RAB3C: variants seen among roughly 807,000 people sequenced by gnomAD.
The protein encoded by RAB3C is RAB3C, member RAS oncogene family.
In RAB3C, 17 loss-of-function variants were observed where a neutral mutation model predicts 26.4. The ratio of observed to expected loss-of-function variants is 0.64; its 90% confidence interval spans 0.44 to 0.97. The LOEUF is 0.97. Ranked by LOEUF, RAB3C falls within the 50% of genes least tolerant of loss-of-function variation. RAB3C has a pLI of 0.00. For synonymous variants in RAB3C, 91 were observed against 95.9 expected (o/e 0.95, Z 0.30); for missense variants, 242 against 281.9 (o/e 0.86, Z 1.01).
At chr5:58,625,915 G>A (rs1747042684) in intron 2 of RAB3C, among the ~76,000 whole-genome samples, 1 of 151,736 alleles carries the variant, frequency 6.6e-6, no homozygotes, top group Non-Finnish European at 1.5e-5. Flanking sequence ...GCAGTTCTGT[G>A]TAACTGAAAT....
intron 1 of RAB3C, among the ~76,000 whole-genome samples, chr5:58,608,439 G>T (rs1242721584): frequency 6.6e-6 from 1 of 152,200 alleles, no homozygotes. Context: ...ATGAAAAAAT[G>T]CTCATCATCA....
At chr5:58,678,506 GA>G (rs924613759) in intron 2 of RAB3C, among the ~76,000 whole-genome samples, 3 of 151,986 alleles carry the variant, frequency 2.0e-5, no homozygotes, top group African/African-American at 7.3e-5. Flanking sequence ...AAAGTCATTA[GA>G]AAAAAATATA....
chr5:58,845,040 G>C (rs1440415290), intron 4 of RAB3C, among the ~76,000 whole-genome samples: 1 of 152,180 alleles, frequency 6.6e-6, no homozygotes, highest in Non-Finnish European at 1.5e-5. Flanking sequence ...GGTTAAGTGT[G>C]CAATACTGTG....
At chr5:58,614,346 T>C (rs1746778663) in intron 1 of RAB3C, among the ~76,000 whole-genome samples, 1 of 152,088 alleles carries the variant, frequency 6.6e-6, no homozygotes, top group Non-Finnish European at 1.5e-5. Context: ...ATTAGGGCTG[T>C]TTCTTTCTTC....
intron 2 of RAB3C, among the ~76,000 whole-genome samples, chr5:58,665,046 C>T (rs899115330): frequency 1.3e-5 from 2 of 152,142 alleles, no homozygotes; most frequent in African/African-American, 4.8e-5. Flanking sequence ...AACGTCACCT[C>T]CTTAATCTCA....
intron 3 of RAB3C, among the ~76,000 whole-genome samples, chr5:58,727,170 C>CAT (rs1344756636): frequency 1.3e-5 from 2 of 151,848 alleles, no homozygotes; most frequent in Admixed American, 1.3e-4. Flanking sequence ...ATGATTTTTA[C>CAT]ATATATATCA....
intron 3 of RAB3C, among the ~76,000 whole-genome samples, chr5:58,798,255 G>C (rs1031578685): frequency 6.6e-6 from 1 of 152,070 alleles, no homozygotes; most frequent in Non-Finnish European, 1.5e-5. Context: ...TAGACTATAA[G>C]AGGTACAGTC....
chr5:58,805,457 C>T (rs530450887), intron 3 of RAB3C, among the ~76,000 whole-genome samples: 49 of 151,200 alleles, frequency 3.2e-4, no homozygotes, highest in South Asian at 8.4e-4. Flanking sequence ...TGGTAGTGCG[C>T]GCCTATAATC....
At position 58,851,359 on chromosome 5, in the gene RAB3C, G is replaced by A. The variant is rs772429789; in HGVS notation, c.*8G>A. The A allele has an allele frequency of 1.0e-5, 16 of 1,580,440 alleles. No individual in the cohort carries two copies. Among genetic ancestry groups the A allele is most frequent in the African/African-American group, 1.4e-5 (1 of 73,486 alleles). ...CCCAACTGTGCCTGCTAGTGTCCCC[G>A]TGCACACAGGCAGCTCCAGGGGGCT... On this transcript the variant is annotated 3_prime_UTR_variant, in exon 5 of 5. Transcript: ENST00000282878.
intron 1 of RAB3C, among the ~76,000 whole-genome samples, chr5:58,591,826 T>C (rs1035337542): frequency 6.6e-6 from 1 of 150,888 alleles, no homozygotes; most frequent in Non-Finnish European, 1.5e-5. Context: ...GTTTCGTTTT[T>C]ATATTCTTTT....
intron 2 of RAB3C, among the ~76,000 whole-genome samples, chr5:58,690,609 G>C (rs1259172315): frequency 6.6e-6 from 1 of 152,088 alleles, no homozygotes; most frequent in East Asian, 1.9e-4. Flanking sequence ...CTGTCTCTCT[G>C]TATCTTTTCA....
At chr5:58,708,508 G>C (rs547863394) in intron 2 of RAB3C, among the ~76,000 whole-genome samples, 2 of 152,302 alleles carry the variant, frequency 1.3e-5, no homozygotes, top group Admixed American at 6.5e-5. Flanking sequence ...GTGGCACCCA[G>C]CTGGAGAAGT....
At chr5:58,627,606 T>C (rs1390073380) in intron 2 of RAB3C, among the ~76,000 whole-genome samples, 1 of 152,036 alleles carries the variant, frequency 6.6e-6, no homozygotes, top group Non-Finnish European at 1.5e-5. Context: ...ACAGCATTTT[T>C]CTAGTTGGAT....
intron 2 of RAB3C, among the ~76,000 whole-genome samples, chr5:58,683,126 T>G (rs1748380153): frequency 6.6e-6 from 1 of 152,210 alleles, no homozygotes; most frequent in South Asian, 2.1e-4. Context: ...GTGATTCTCA[T>G]GAACATGGTT....
At chr5:58,726,834 T>G (rs1269506506) in intron 3 of RAB3C, among the ~76,000 whole-genome samples, 2 of 151,976 alleles carry the variant, frequency 1.3e-5, no homozygotes, top group Non-Finnish European at 2.9e-5. Flanking sequence ...GGCTACAGTA[T>G]CCTTCATTCT....
In RAB3C at chr5:58,810,364, G is replaced by GCTCTCT. The variant is rs143427018; in HGVS notation, c.372-14657_372-14652dup. 2.4e-3 allele frequency among the ~76,000 whole-genome samples: 244 copies of GCTCTCT among 103,518 alleles called. 1 individual carries two copies. The highest frequency in any genetic ancestry group is 2.9e-3 in the Non-Finnish European group (127 of 43,632). 67.9% of individuals were successfully genotyped at this position (103,518 alleles called of 152,430 possible). On this transcript the variant is annotated intron_variant, in intron 3 of 4. Coordinates refer to ENST00000282878, the MANE Select transcript of RAB3C (RefSeq NM_138453.4). The stretch of plus-strand genomic sequence containing the variant: ...CTACTGGTACAAAAGTACTCTGTGT[G>GCTCTCT]CTCTCTCTCTCTCTCTCTCTCTGTG...
intron 3 of RAB3C, chr5:58,794,677 G>T (rs1742604425): frequency 6.6e-6 from 1 of 152,158 alleles, no homozygotes; most frequent in South Asian, 2.1e-4. Context: ...ATAGACAAAG[G>T]ACTAAATGAT....
intron 2 of RAB3C, 138 bp from the exon 3 acceptor site, chr5:58,725,864 A>G (rs1269383143): frequency 4.0e-6 from 2 of 495,974 alleles, no homozygotes; most frequent in Non-Finnish European, 7.3e-6. Flanking sequence ...TAGGGGAAAC[A>G]AGACCAAAAA....
At chr5:58,617,422 G>A (rs186347911) in intron 1 of RAB3C, 32 of 736,482 alleles carry the variant, frequency 4.3e-5, no homozygotes, top group South Asian at 3.4e-4. Flanking sequence ...CACCAACACA[G>A]CTGGAAAGGC....
Sources: allele counts gnomAD v4.1 joint callset (sites outside exome capture counted in the v4.1 genomes callset), GRCh38; gene constraint gnomAD v4.1.1; transcripts MANE v1.5; gene names NCBI Gene and HGNC (gene_info 2026-07-23, HGNC 2026-07-21).